EDC3: variants seen among roughly 807,000 people sequenced by gnomAD.
EDC3 encodes enhancer of mRNA decapping 3.
In EDC3, 20 loss-of-function variants were observed where a neutral mutation model predicts 41.8. The observed-to-expected ratio is 0.48, with a 90% CI of 0.34 to 0.70. The LOEUF is 0.70. EDC3 is among the 30% of genes least tolerant of loss of function. The pLI is 0.01. For missense variants in EDC3, 444 were observed against 636.8 expected (o/e 0.70, Z 3.26); for synonymous variants, 206 against 243.2 (o/e 0.85, Z 1.42).
chr15:74,681,316 C>T (rs182900860), intron 1 of EDC3, among the ~76,000 whole-genome samples: 7 of 152,208 alleles, frequency 4.6e-5, no homozygotes, highest in African/African-American at 1.7e-4. Flanking sequence ...CCACGCCTGG[C>T]TAATTTTTGT....
intron 4 of EDC3, chr15:74,643,124 CCAA>C (rs980014301): frequency 6.6e-6 from 1 of 152,154 alleles, no homozygotes; most frequent in Admixed American, 6.5e-5. Context: ...ACACGTAAGT[CCAA>C]CAAGTTGGAC....
chr15:74,689,987 T>A (rs889929711), intron 1 of EDC3, among the ~76,000 whole-genome samples: 2 of 152,124 alleles, frequency 1.3e-5, no homozygotes, highest in East Asian at 3.8e-4. Context: ...GGATTTGATG[T>A]ACAATAAAAA....
chr15:74,681,294 A>G (rs1450080952), intron 1 of EDC3, among the ~76,000 whole-genome samples: 1 of 152,132 alleles, frequency 6.6e-6, no homozygotes, highest in Admixed American at 6.5e-5. Flanking sequence ...CTGGCATTAC[A>G]GGTGCCCACC....
intron 4 of EDC3, among the ~76,000 whole-genome samples, chr15:74,648,232 T>C (rs1031092270): frequency 3.9e-5 from 6 of 152,304 alleles, no homozygotes; most frequent in African/African-American, 1.4e-4. Context: ...TGCAAAAAAA[T>C]CAAAACAGAT....
intron 5 of EDC3, 80 bp from the exon 6 acceptor site, chr15:74,635,706 C>A: frequency 7.7e-7 from 1 of 1,305,266 alleles, no homozygotes; most frequent in Non-Finnish European, 1.1e-6. Flanking sequence ...TTGCCTGTAG[C>A]ACCTATTGGT....
chr15:74,662,383 C>G (rs1475174683), intron 3 of EDC3, among the ~76,000 whole-genome samples: 1 of 151,296 alleles, frequency 6.6e-6, no homozygotes, highest in Non-Finnish European at 1.5e-5. Flanking sequence ...AGCGTAAGTA[C>G]ACAAAACTCT....
intron 3 of EDC3, among the ~76,000 whole-genome samples, chr15:74,668,102 A>G (rs1449003286): frequency 6.6e-6 from 1 of 152,202 alleles, no homozygotes; most frequent in Non-Finnish European, 1.5e-5. Flanking sequence ...CAGTCTAATC[A>G]TGATTTAAAC....
Position 74,632,494 on chromosome 15 carries a change from G to C in EDC3, c.*118C>G. The C allele has an allele frequency of 2.4e-6, 3 of 1,236,894 alleles. No homozygotes were observed. The highest frequency in any genetic ancestry group is 3.4e-6 in the Non-Finnish European group (3 of 894,906). 76.6% of individuals were successfully genotyped at this position (1,236,894 alleles called of 1,614,324 possible). The stretch of plus-strand genomic sequence containing the variant: ...TTTAAGTAAGTTCTGTTCTCTCACA[G>C]AAGAAACAAACCCAAAAGAGAAAAA... On this transcript the variant is annotated 3_prime_UTR_variant, in exon 7 of 7. Transcript: ENST00000315127. The surrounding 1 kb of genome is among the most constrained non-coding windows in gnomAD (Gnocchi z 4.0).
chr15:74,653,416 G>C (rs2062505498), intron 4 of EDC3, among the ~76,000 whole-genome samples: 1 of 152,140 alleles, frequency 6.6e-6, no homozygotes. Context: ...CCTGCTTGAG[G>C]ATTGTGCCTT....
intron 4 of EDC3, among the ~76,000 whole-genome samples, chr15:74,655,224 A>G (rs1419286514): frequency 6.6e-6 from 1 of 152,272 alleles, no homozygotes; most frequent in Non-Finnish European, 1.5e-5. Context: ...ACATGAAATT[A>G]GCCAACTTTC....
chr15:74,690,171 T>A (rs1262144697), intron 1 of EDC3, among the ~76,000 whole-genome samples: 1 of 152,212 alleles, frequency 6.6e-6, no homozygotes, highest in Non-Finnish European at 1.5e-5. Flanking sequence ...GTTATTAAAA[T>A]CTATCCTAAC....
At chr15:74,657,340 T>C (rs1295673198) in intron 3 of EDC3, among the ~76,000 whole-genome samples, 2 of 152,222 alleles carry the variant, frequency 1.3e-5, no homozygotes, top group Non-Finnish European at 2.9e-5. Flanking sequence ...CCGGCTCACA[T>C]GTGCACTCCC....
intron 3 of EDC3, among the ~76,000 whole-genome samples, chr15:74,670,935 T>C (rs2062731457): frequency 6.6e-6 from 1 of 151,910 alleles, no homozygotes; most frequent in South Asian, 2.1e-4. Flanking sequence ...GAGACTCAAA[T>C]CACAGGAAGA....
chr15:74,682,282 A>G (rs1223337909), intron 1 of EDC3, among the ~76,000 whole-genome samples: 1 of 152,120 alleles, frequency 6.6e-6, no homozygotes, highest in African/African-American at 2.4e-5. Context: ...TGATCCCACC[A>G]CTGCACTCTA....
At chr15:74,655,537 C>T (rs1374994853) in intron 4 of EDC3, among the ~76,000 whole-genome samples, 196 bp downstream of exon 4, 1 of 152,154 alleles carries the variant, frequency 6.6e-6, no homozygotes, top group Admixed American at 6.5e-5. Flanking sequence ...CAGACATCTA[C>T]AGAAATTACC....
chr15:74,652,813 C>T (rs1426087310), intron 4 of EDC3, among the ~76,000 whole-genome samples: 1 of 151,840 alleles, frequency 6.6e-6, no homozygotes, highest in African/African-American at 2.4e-5. Flanking sequence ...CTCCTGAGTT[C>T]AAGCAATCCT....
intron 3 of EDC3, among the ~76,000 whole-genome samples, chr15:74,670,573 G>T (rs888985554): frequency 6.6e-6 from 1 of 152,168 alleles, no homozygotes; most frequent in South Asian, 2.1e-4. Flanking sequence ...GGGATTACAG[G>T]CATGCACCTC....
intron 3 of EDC3, among the ~76,000 whole-genome samples, chr15:74,659,862 T>C (rs1045882330): frequency 1.3e-5 from 2 of 151,890 alleles, no homozygotes; most frequent in Admixed American, 6.6e-5. Context: ...CTGGCCAACA[T>C]GGTGAAACCC....
chr15:74,686,698 T>A (rs2062941971), intron 1 of EDC3, among the ~76,000 whole-genome samples: 1 of 152,074 alleles, frequency 6.6e-6, no homozygotes, highest in African/African-American at 2.4e-5. Flanking sequence ...GAAAACCACT[T>A]GAACCCAAGA....
Sources: gnomAD v4.1 joint callset for allele counts (sites outside exome capture counted in the v4.1 genomes callset) on GRCh38, gnomAD v4.1.1 for gene constraint, Gnocchi (gnomAD v3.1) non-coding constraint, MANE v1.5 for transcripts, NCBI Gene and HGNC (gene_info 2026-07-23, HGNC 2026-07-21) for gene names.